WWC1: variants seen among roughly 807,000 people sequenced by gnomAD.
WWC1 encodes WW and C2 domain containing 1.
A neutral mutation model predicts 138.4 loss-of-function variants in WWC1; 55 were observed. The ratio of observed to expected loss-of-function variants is 0.40; its 90% confidence interval spans 0.32 to 0.50. The LOEUF is 0.50. WWC1 is among the 20% of genes least tolerant of loss of function. The pLI is 0.72. For missense variants in WWC1, 1,226 were observed against 1,420.4 expected, an observed-to-expected ratio of 0.86 and a Z score of 2.20; for synonymous variants, 524 against 564.9, an observed-to-expected ratio of 0.93 and a Z score of 1.03.
chr5:168,448,969 A>G (rs553148720), intron 17 of WWC1, among the ~76,000 whole-genome samples: 2 of 152,312 alleles, frequency 1.3e-5, no homozygotes, highest in Admixed American at 6.5e-5. Context: ...AGAGTACCCT[A>G]ACCTACAGCC....
chr5:168,371,468 T>C lies in WWC1; in HGVS notation c.164T>C (p.Leu55Ser). ...LTFADCISDE[L>S]PLGWEEAYDP... ...TTTGCTGACTGCATTAGTGATGAGTTGCCGCTAGGATGGGAAGAGGCATAT... is the reference window on the plus strand; with the variant it reads ...TTTGCTGACTGCATTAGTGATGAGTCGCCGCTAGGATGGGAAGAGGCATAT... Residue 55 changes from leucine to serine, a missense_variant, in exon 2 of 23, where the codon TTG (leucine) becomes TCG (serine). Physicochemically the swap from Leu to Ser is moderately radical, Grantham distance 145. Coordinates refer to ENST00000265293, the MANE Select transcript of WWC1 (RefSeq NM_015238.3). 6.2e-7 allele frequency: 1 copy of C among 1,614,094 alleles called. No individual in the cohort carries two copies. The highest frequency in any genetic ancestry group is 8.5e-7 in the Non-Finnish European group (1 of 1,180,006).
chr5:168,354,232 G>A (rs2152792776), intron 1 of WWC1, among the ~76,000 whole-genome samples: 1 of 152,122 alleles, frequency 6.6e-6, no homozygotes, highest in African/African-American at 2.4e-5. Context: ...TGTATTTTTA[G>A]TAGAGATAGG....
chr5:168,340,965 T>C (rs528584935), intron 1 of WWC1, among the ~76,000 whole-genome samples: 6 of 152,276 alleles, frequency 3.9e-5, no homozygotes, highest in Admixed American at 3.9e-4. Flanking sequence ...AGAACTCAGG[T>C]AGTCTGCCTC....
chr5:168,332,270 T>C (rs538103794), intron 1 of WWC1, among the ~76,000 whole-genome samples: 1 of 152,262 alleles, frequency 6.6e-6, no homozygotes, highest in East Asian at 1.9e-4. Context: ...TCTTATACCA[T>C]AGTTCATTCA....
chr5:168,342,184 C>T (rs1308694514), intron 1 of WWC1, among the ~76,000 whole-genome samples: 1 of 152,178 alleles, frequency 6.6e-6, no homozygotes, highest in African/African-American at 2.4e-5. Flanking sequence ...GAGTATTTGA[C>T]ACAGCTCACC....
rs1391383387 is a variant in WWC1, at chr5:168,468,944, C to G, written c.3276-7C>G. ...CCCCTGCTCTAAAGGGATGGCCTCT[C>G]TTATAGGGAGAAGATGGCATTTTTC... On this transcript the variant is annotated splice_polypyrimidine_tract_variant and splice_region_variant and intron_variant, in intron 22 of 22. Coordinates refer to ENST00000265293, the MANE Select transcript of WWC1 (RefSeq NM_015238.3). 1 of 1,614,074 alleles carries G rather than the reference C, an allele frequency of 6.2e-7. No individual in the cohort carries two copies. Among genetic ancestry groups the G allele is most frequent in the African/African-American group, 1.3e-5 (1 of 74,934 alleles).
intron 9 of WWC1, 68 bp from the exon 10 acceptor site, chr5:168,421,940 T>G (rs1781119648): frequency 1.5e-6 from 2 of 1,378,758 alleles, no homozygotes; most frequent in Admixed American, 1.7e-5. Context: ...GGTCTGGGTG[T>G]ACATGGGTAA....
At chr5:168,456,829 G>A (rs1756371624) in intron 19 of WWC1, among the ~76,000 whole-genome samples, 1 of 151,996 alleles carries the variant, frequency 6.6e-6, no homozygotes, top group African/African-American at 2.4e-5. Flanking sequence ...TTTTCATCAG[G>A]ATAGAATGTG....
intron 17 of WWC1, among the ~76,000 whole-genome samples, chr5:168,446,668 G>A (rs572039184): frequency 5.3e-5 from 8 of 152,296 alleles, no homozygotes; most frequent in African/African-American, 7.2e-5. Flanking sequence ...TGGGCAAGTC[G>A]CTCTAACCTT....
chr5:168,450,367 T>C (rs13173439), intron 17 of WWC1, among the ~76,000 whole-genome samples: 47,376 of 151,904 alleles, frequency 0.31, 8,708 homozygotes, highest in Middle Eastern at 0.45. Flanking sequence ...ACTTACATCA[T>C]GTATAAAAAT....
At chr5:168,467,390 A>C (rs150376412) in intron 21 of WWC1, among the ~76,000 whole-genome samples, 1 of 152,342 alleles carries the variant, frequency 6.6e-6, no homozygotes, top group African/African-American at 2.4e-5. Flanking sequence ...ACATACGTTT[A>C]CATTAGGAGG....
chr5:168,362,604 G>C (rs554926083), intron 1 of WWC1, among the ~76,000 whole-genome samples: 46 of 152,332 alleles, frequency 3.0e-4, no homozygotes, highest in African/African-American at 1.1e-3. Context: ...TTGGCCCTCA[G>C]GTTGTCCGTT....
rs549467305 is a variant in WWC1 at position 168,406,072 on chromosome 5, G to A, written c.591-126G>A. On this transcript the variant is annotated intron_variant, in intron 5 of 22. Coordinates refer to ENST00000265293, the MANE Select transcript of WWC1 (RefSeq NM_015238.3). ...CCCACAAGTGGGACCTAGGGAGGAA[G>A]GGTTAGCAGGACAGAGGGAGGGGCC... is the stretch of plus-strand genomic sequence containing the variant. The A allele has an allele frequency of 8.2e-6, 10 of 1,223,340 alleles. No homozygotes were observed. In the African/African-American group the frequency reaches 1.4e-4, roughly 17 times the overall value. The allele number at this position is 1,223,340 out of a possible 1,614,324, so 75.8% of individuals were successfully genotyped here.
intron 9 of WWC1, 144 bp downstream of exon 9, chr5:168,414,734 G>A (rs1030726326): frequency 7.4e-6 from 9 of 1,218,642 alleles, no homozygotes; most frequent in Admixed American, 3.2e-5. Context: ...TCAGGTTGCC[G>A]ACATAGGAAA....
At chr5:168,429,029 CT>C (rs1461295035) in intron 13 of WWC1, among the ~76,000 whole-genome samples, 1 of 152,122 alleles carries the variant, frequency 6.6e-6, no homozygotes, top group Non-Finnish European at 1.5e-5. Flanking sequence ...GACCTTATGA[CT>C]TGGCCCAACT....
chr5:168,448,697 C>T (rs1755514650), intron 17 of WWC1, among the ~76,000 whole-genome samples: 1 of 149,096 alleles, frequency 6.7e-6, no homozygotes, highest in African/African-American at 2.5e-5. Flanking sequence ...CAGCTCACTG[C>T]AAGCTCCGCC....
intron 20 of WWC1, among the ~76,000 whole-genome samples, chr5:168,463,981 C>T (rs764561261): frequency 1.3e-5 from 2 of 152,090 alleles, no homozygotes; most frequent in Admixed American, 6.6e-5. Flanking sequence ...CAGCAAAGTG[C>T]CAGAATTGAG....
chr5:168,436,363 T>G (rs1233392674), intron 15 of WWC1, among the ~76,000 whole-genome samples: 3 of 152,150 alleles, frequency 2.0e-5, no homozygotes, highest in Non-Finnish European at 2.9e-5. Context: ...TGGTCTCCTT[T>G]GCTGATTCTT....
intron 1 of WWC1, among the ~76,000 whole-genome samples, chr5:168,367,476 C>T (rs933006794): frequency 2.0e-5 from 3 of 149,994 alleles, no homozygotes; most frequent in East Asian, 2.0e-4. Context: ...GGACTACAGG[C>T]GCCCGCCACT....
Sources: gnomAD v4.1 joint callset for allele counts (sites outside exome capture counted in the v4.1 genomes callset) on GRCh38, gnomAD v4.1.1 for gene constraint, MANE v1.5 for transcripts, NCBI Gene and HGNC (gene_info 2026-07-23, HGNC 2026-07-21) for gene names.